The following RPH3A variants were observed in gnomAD, a reference collection of about 807,000 sequenced individuals.
RPH3A encodes the protein rabphilin 3A.
In RPH3A, 48 loss-of-function variants were observed where a neutral mutation model predicts 102.2. The ratio of observed to expected loss-of-function variants is 0.47; its 90% CI spans 0.37 to 0.60. The LOEUF (loss-of-function observed/expected upper bound fraction) is 0.60, where lower values mean the gene tolerates loss of function less well. Ranked by LOEUF, RPH3A falls within the 20% of genes least tolerant of loss-of-function variation. RPH3A has a pLI of 0.00. For missense variants in RPH3A, 781 were observed against 910.1 expected (o/e 0.86, Z 1.83); for synonymous variants, 310 against 324.3 (o/e 0.96, Z 0.47).
chr12:112,694,642 GCGCACA>G (rs780276131), intron 1 of RPH3A, among the ~76,000 whole-genome samples: 1,993 of 140,322 alleles, frequency 0.014, 55 homozygotes, highest in African/African-American at 0.053. Context: ...ACGCGCGCGC[GCGCACA>G]CGCACACACA....
In RPH3A at chr12:112,847,751, C is replaced by G; in HGVS notation, c.139C>G (p.Gln47Glu). 6.2e-7 allele frequency: 1 copy of G among 1,614,168 alleles called. No homozygotes were observed. The highest frequency in any genetic ancestry group is 8.5e-7 in the Non-Finnish European group (1 of 1,180,012). Residue 47 changes from glutamine (Q) to glutamate (E), a missense_variant, in exon 5 of 22, where the codon CAG (glutamine) becomes GAG (glutamate). Gln to Glu is a conservative substitution (Grantham distance 29, BLOSUM62 2). This residue lies in a region of RPH3A where 730 missense variants were observed against 810.0 expected (regional missense o/e 0.90). Coordinates refer to ENST00000389385, the MANE Select transcript of RPH3A (RefSeq NM_001143854.2). ...TGGTCAGCCTGACAGGCAGAGGAAG[C>G]AGGAAGAGCTGACTGATGAGGAGAA... The part of the protein sequence containing the change: ...PGGQPDRQRK[Q>E]EELTDEEKEI...
rs943977033 is a variant in RPH3A, at chr12:112,883,519, T to C, written c.1436+117T>C. ...TCTAAAAAGATCTCTACATAGTTTA[T>C]TTTTTTCCTTCTTGTTTACTTTTAC... On this transcript the variant is annotated intron_variant, in intron 16 of 21. Coordinates refer to ENST00000389385, the MANE Select transcript of RPH3A (RefSeq NM_001143854.2). The C allele has an allele frequency of 4.4e-6, 3 of 684,218 alleles. No individual in the cohort carries two copies. In the African/African-American group the frequency reaches 5.4e-5, roughly 12 times the overall value. 42.4% of individuals were successfully genotyped at this position (684,218 alleles called of 1,614,324 possible). A position where few individuals can be genotyped will look rare whatever the true frequency, so the allele number is the denominator to read the frequency against.
At chr12:112,616,968 G>T (rs961025506) in intron 1 of RPH3A, among the ~76,000 whole-genome samples, 4 of 152,210 alleles carry the variant, frequency 2.6e-5, no homozygotes, top group African/African-American at 9.6e-5. Flanking sequence ...TTGTAATGCA[G>T]ATTTTGACTC....
chr12:112,716,989 A>G (rs78049062), intron 1 of RPH3A, among the ~76,000 whole-genome samples: 2,625 of 152,206 alleles, frequency 0.017, 39 homozygotes, highest in Non-Finnish European at 0.025. Context: ...AGCAAACATC[A>G]ATCGCTGTGG....
chr12:112,738,086 G>A (rs1179108215), intron 1 of RPH3A, among the ~76,000 whole-genome samples: 5 of 152,140 alleles, frequency 3.3e-5, no homozygotes, highest in African/African-American at 1.2e-4. Flanking sequence ...CCTTGGCATT[G>A]CTAGTCTCGT....
At chr12:112,637,626 G>C (rs2039857748) in intron 1 of RPH3A, among the ~76,000 whole-genome samples, 1 of 152,148 alleles carries the variant, frequency 6.6e-6, no homozygotes, top group African/African-American at 2.4e-5. Context: ...TGCAATGAAG[G>C]AGTGAATTGA....
At chr12:112,756,724 AT>A (rs2040825574) in intron 1 of RPH3A, among the ~76,000 whole-genome samples, 1 of 152,192 alleles carries the variant, frequency 6.6e-6, no homozygotes, top group African/African-American at 2.4e-5. Context: ...CATCTACATC[AT>A]TTTGTGCAAG....
chr12:112,695,967 G>A (rs1262806386), intron 1 of RPH3A, among the ~76,000 whole-genome samples: 2 of 152,130 alleles, frequency 1.3e-5, no homozygotes, highest in Non-Finnish European at 2.9e-5. Flanking sequence ...TACCCAATAT[G>A]TAGTCTTTTA....
At chr12:112,796,089 T>G (rs996428533) in intron 2 of RPH3A, among the ~76,000 whole-genome samples, 2 of 152,192 alleles carry the variant, frequency 1.3e-5, no homozygotes, top group African/African-American at 4.8e-5. Context: ...ACTCAGTTTC[T>G]TCATCTGTGA....
At chr12:112,603,733 A>C (rs1431988643) in intron 1 of RPH3A, among the ~76,000 whole-genome samples, 1 of 152,180 alleles carries the variant, frequency 6.6e-6, no homozygotes, top group Non-Finnish European at 1.5e-5. Context: ...TCTTAACCAT[A>C]AACATCTACA....
chr12:112,869,751 T>G lies in RPH3A; in HGVS notation c.611-8T>G, dbSNP rs535256359. 1.2e-4 allele frequency: 193 copies of G among 1,614,204 alleles called. 1 individual carries two copies. In the South Asian group the frequency reaches 1.7e-3, roughly 14 times the overall value. On this transcript the variant is annotated splice_polypyrimidine_tract_variant and splice_region_variant and intron_variant, in intron 8 of 21. Transcript: ENST00000389385. ...GTACTCCTCATAATTTGTGTTTTCTTTCTCCAGGTGACAGTGAAGATAGGA... is the reference window on the plus strand; with the variant it reads ...GTACTCCTCATAATTTGTGTTTTCTGTCTCCAGGTGACAGTGAAGATAGGA...
At chr12:112,750,103 A>G (rs1776686220) in intron 1 of RPH3A, among the ~76,000 whole-genome samples, 1 of 152,198 alleles carries the variant, frequency 6.6e-6, no homozygotes, top group African/African-American at 2.4e-5. Context: ...TTCTCTCATC[A>G]GCAGGGAGAG....
intron 1 of RPH3A, among the ~76,000 whole-genome samples, chr12:112,785,477 T>C (rs1017350942): frequency 2.0e-5 from 3 of 152,320 alleles, no homozygotes; most frequent in East Asian, 1.9e-4. Context: ...AATACCTAAC[T>C]TCATCTTTTG....
rs1391422086 is a variant in RPH3A, at chr12:112,869,782, C to T, written c.634C>T (p.Pro212Ser). Reference sequence around the variant, plus strand: ...AGGTGACAGTGAAGATAGGAGGGGCCCGGGTCAGAAGACAGGTGGGTTCTG... The same window carrying T: ...AGGTGACAGTGAAGATAGGAGGGGCTCGGGTCAGAAGACAGGTGGGTTCTG... ...ARGDSEDRRG[P>S]GQKTGPDPAS... The change falls in exon 9 of 22, where the codon CCG becomes TCG. Residue 212 changes from proline to serine, a missense_variant. Physicochemically the swap from Pro to Ser is moderately conservative, Grantham distance 74. This residue lies in a region of RPH3A where 730 missense variants were observed against 810.0 expected (regional missense o/e 0.90). Transcript: ENST00000389385. The T allele has an allele frequency of 1.2e-6, 2 of 1,614,092 alleles. No homozygotes were observed. Among genetic ancestry groups the T allele is most frequent in the Non-Finnish European group, 1.7e-6 (2 of 1,180,012 alleles).
chr12:112,651,226 G>C (rs998912481), intron 1 of RPH3A, among the ~76,000 whole-genome samples: 2 of 151,872 alleles, frequency 1.3e-5, no homozygotes, highest in African/African-American at 4.8e-5. Flanking sequence ...ATCCAGGCAT[G>C]GTGGTGCATG....
intron 1 of RPH3A, among the ~76,000 whole-genome samples, chr12:112,632,304 T>C (rs2039812995): frequency 6.6e-6 from 1 of 152,216 alleles, no homozygotes. Flanking sequence ...GAAAACGGAC[T>C]CATACAGTGC....
At chr12:112,813,161 G>C (rs1331374166) in intron 2 of RPH3A, among the ~76,000 whole-genome samples, 2 of 152,214 alleles carry the variant, frequency 1.3e-5, no homozygotes, top group Non-Finnish European at 2.9e-5. Context: ...GTGGGGACTT[G>C]AATCTTGACA....
intron 11 of RPH3A, 59 bp downstream of exon 11, chr12:112,875,229 A>G (rs951181677): frequency 1.5e-6 from 2 of 1,317,616 alleles, no homozygotes; most frequent in Non-Finnish European, 2.1e-6. Context: ...TGACCCTCAT[A>G]CCTCCCATCC....
At chr12:112,666,479 GT>G (rs1174486919) in intron 1 of RPH3A, among the ~76,000 whole-genome samples, 2 of 152,028 alleles carry the variant, frequency 1.3e-5, no homozygotes. Context: ...AACTTCTCAT[GT>G]TTAACTGCTA....
Sources: gnomAD v4.1 joint callset for allele counts (sites outside exome capture counted in the v4.1 genomes callset) on GRCh38, gnomAD v4.1.1 for gene constraint, gnomAD v4.1.1 regional missense constraint, MANE v1.5 for transcripts, NCBI Gene and HGNC (gene_info 2026-07-23, HGNC 2026-07-21) for gene names.